IL32: variants seen among roughly 807,000 people sequenced by gnomAD.
IL32 encodes interleukin 32.
In IL32, 30 loss-of-function variants were observed where a neutral mutation model predicts 16.6. That is an observed-to-expected ratio of 1.81 (90% CI 1.35 to 2.45). The LOEUF (loss-of-function observed/expected upper bound fraction) is 2.45, where lower values mean the gene tolerates loss of function less well. Among genes scored for constraint, IL32 ranks in the 30% most tolerant of loss-of-function variants. IL32 has a pLI of 0.00. For missense variants in IL32, 234 were observed against 229.8 expected (o/e 1.02, Z -0.12); for synonymous variants, 70 against 86.1 (o/e 0.81, Z 1.03).
intron 6 of IL32, chr16:3,068,504 G>C: frequency 2.0e-6 from 1 of 490,394 alleles, no homozygotes; most frequent in Non-Finnish European, 3.7e-6. Context: ...GTAGAGACCA[G>C]GTTTCACCAT....
intron 6 of IL32, 22 bp from the exon 7 acceptor site, chr16:3,068,968 G>A: frequency 6.3e-7 from 1 of 1,594,874 alleles, no homozygotes; most frequent in Non-Finnish European, 8.5e-7. Context: ...TACAGACCCT[G>A]AATGGTGCTC....
chr16:3,067,271 C>CTCTG (rs1317427759), intron 2 of IL32, 106 bp from the exon 3 acceptor site: 58 of 603,556 alleles, frequency 9.6e-5, no homozygotes, highest in African/African-American at 7.8e-4. Flanking sequence ...CCATGTGTCT[C>CTCTG]TGTGTGTGTG....
In IL32 at chr16:3,069,067, G is replaced by C. The variant is rs774483172; in HGVS notation, c.279G>C (p.Glu93Asp). ...RGNRSPVPDV[E>D]DPATEEPGES... ...ACAGATCCCCTGTCCCGGATGTTGA[G>C]GATCCCGCAACCGAGGAGCCTGGGG... Residue 93 changes from glutamate (E) to aspartate (D), a missense_variant, in exon 7 of 7, where the codon GAG becomes GAC. Transcript: ENST00000525643. 1.3e-5 allele frequency: 21 copies of C among 1,607,818 alleles called. No homozygotes were observed. Among genetic ancestry groups the C allele is most frequent in the African/African-American group, 1.1e-4 (8 of 74,626 alleles).
At position 3,067,969 on chromosome 16, in the gene IL32, C is replaced by G. The variant is rs566548333; in HGVS notation, c.115-15C>G. ...GGAGGCTTGGGCCTGGAACCGAGTG[C>G]TTTGTTCCTAACAGGTGATGTCGAG... is the stretch of plus-strand genomic sequence containing the variant. On this transcript the variant is annotated splice_polypyrimidine_tract_variant and intron_variant, in intron 4 of 6. Transcript: ENST00000525643. 6 of 1,614,102 alleles carry G rather than the reference C, an allele frequency of 3.7e-6. No homozygotes were observed. The East Asian group carries it at 1.3e-4, about 36-fold the overall frequency.
chr16:3,067,944 G>C (rs745502821), intron 4 of IL32, 40 bp from the exon 5 acceptor site: 2 of 1,612,686 alleles, frequency 1.2e-6, no homozygotes, highest in Admixed American at 1.7e-5. Flanking sequence ...GGGGTGCAGA[G>C]GAGGCTTGGG....
intron 2 of IL32, among the ~76,000 whole-genome samples, 195 bp from the exon 3 acceptor site, chr16:3,067,182 T>C (rs933237439): frequency 6.6e-6 from 1 of 151,978 alleles, no homozygotes; most frequent in Non-Finnish European, 1.5e-5. Context: ...TCTGAGTCGT[T>C]TCGAGGACAG....
In IL32 at chr16:3,067,289, G is replaced by C. The variant is rs747931658; in HGVS notation, c.16-88G>C. ...TGTGTCTCTGTGTGTGTGTGTGTGT[G>C]TGTGTGTGTGTGTGTGTGTGTATAA... On this transcript the variant is annotated intron_variant, in intron 2 of 6. Transcript: ENST00000525643. 1,560 of 559,190 alleles carry C rather than the reference G, an allele frequency of 2.8e-3. 17 individuals carry two copies. The highest frequency in any genetic ancestry group is 5.0e-3 in the Admixed American group (134 of 26,784). The allele number at this position is 559,190 out of a possible 1,614,324, so 34.6% of individuals were successfully genotyped here. A position where few individuals can be genotyped will look rare whatever the true frequency, so the allele number is the denominator to read the frequency against.
chr16:3,067,708 C>T (rs774088325), intron 4 of IL32, 95 bp downstream of exon 4: 1 of 987,436 alleles, frequency 1.0e-6, no homozygotes. Flanking sequence ...TGAAGAGGGA[C>T]CCACAGGCTC....
chr16:3,065,555 C>T, upstream of IL32: 4 of 596,314 alleles, frequency 6.7e-6, no homozygotes. Context: ...TTTTCACGCA[C>T]TCAGCAAGGC....
In IL32 at chr16:3,065,785, C is replaced by A; in HGVS notation, c.-27C>A. 1 of 1,614,084 alleles carries A rather than the reference C, an allele frequency of 6.2e-7. No individual in the cohort carries two copies. The highest frequency in any genetic ancestry group is 8.5e-7 in the Non-Finnish European group (1 of 1,179,958). ...CTCACACCTGTTCCTCGCCAGCAGGCCTTGGCTCCTTGAACTTTTGGCCGC... is the reference window on the plus strand; with the variant it reads ...CTCACACCTGTTCCTCGCCAGCAGGACTTGGCTCCTTGAACTTTTGGCCGC... On this transcript the variant is annotated splice_region_variant and 5_prime_UTR_variant, in exon 2 of 7. Transcript: ENST00000525643.
At chr16:3,065,986 G>A (rs1008091384) in intron 2 of IL32, among the ~76,000 whole-genome samples, 160 bp downstream of exon 2, 2 of 152,160 alleles carry the variant, frequency 1.3e-5, no homozygotes, top group African/African-American at 2.4e-5. Flanking sequence ...CAGTGGAGGC[G>A]CTGGAGGTCA....
At chr16:3,068,071 C>A (rs1956620745) in intron 5 of IL32, 61 bp downstream of exon 5, 3 of 1,609,134 alleles carry the variant, frequency 1.9e-6, no homozygotes, top group Non-Finnish European at 2.6e-6. Flanking sequence ...CCACAGGACA[C>A]TGGGTCTGGG....
intron 5 of IL32, 48 bp downstream of exon 5, chr16:3,068,058 G>A (rs1956619321): frequency 4.3e-6 from 7 of 1,611,906 alleles, no homozygotes; most frequent in Non-Finnish European, 5.9e-6. Context: ...TGGGTCTTAG[G>A]CTCCACAGGA....
chr16:3,069,055 C>T lies in IL32; in HGVS notation c.267C>T (p.Val89=), dbSNP rs1567150121. Residue 89 remains valine (V), a synonymous_variant, in exon 7 of 7, where the codon GTC becomes GTT. Coordinates refer to ENST00000525643, the MANE Select transcript of IL32 (RefSeq NM_001376923.1). The part of the protein sequence containing the change: ...GLRCRGNRSP[V]PDVEDPATEE... ...GGTGCCGAGGCAACAGATCCCCTGT[C>T]CCGGATGTTGAGGATCCCGCAACCG... The T allele has an allele frequency of 5.0e-6, 8 of 1,607,504 alleles. No individual in the cohort carries two copies. Among genetic ancestry groups the T allele is most frequent in the Admixed American group, 3.4e-5 (2 of 59,090 alleles).
intron 2 of IL32, among the ~76,000 whole-genome samples, chr16:3,066,977 G>GCCGGCTCCT (rs1956392738): frequency 9.9e-6 from 1 of 101,340 alleles, no homozygotes; most frequent in Non-Finnish European, 2.1e-5. Flanking sequence ...GCTCTTGTGA[G>GCCGGCTCCT]GAGGGGTCAC....
Position 3,069,295 on chromosome 16 carries a change from A to C in IL32, c.507A>C (p.Pro169=). 1 of 1,614,010 alleles carries C rather than the reference A, an allele frequency of 6.2e-7. No individual in the cohort carries two copies. The highest frequency in any genetic ancestry group is 1.3e-5 in the African/African-American group (1 of 74,992). The part of the protein sequence containing the change: ...FMSSFQSYGA[P]RGDKEELTPQ... ...CCTCTTTCCAGTCCTACGGAGCCCC[A>C]CGGGGGGACAAGGAGGAGCTGACAC... is the stretch of plus-strand genomic sequence containing the variant. Residue 169 remains proline (P), a synonymous_variant, in exon 7 of 7, where the codon CCA becomes CCC. Transcript: ENST00000525643.
In IL32 at chr16:3,069,167, C is replaced by G. The variant is rs374583841; in HGVS notation, c.379C>G (p.Leu127Val). The change falls in exon 7 of 7, where the codon CTG becomes GTG. Residue 127 changes from leucine (L) to valine (V), a missense_variant. Leu to Val is a conservative substitution (Grantham distance 32). This residue lies in a region of IL32 where 44 missense variants were observed against 103.1 expected (regional missense o/e 0.43). Coordinates refer to ENST00000525643, the MANE Select transcript of IL32 (RefSeq NM_001376923.1). Reference sequence around the variant, plus strand: ...GCTGCAGACCTGGTGGCACGGGGTTCTGGCCTGGGTGAAGGAGAAGGTGGT... The same window carrying G: ...GCTGCAGACCTGGTGGCACGGGGTTGTGGCCTGGGTGAAGGAGAAGGTGGT... ...QRLQTWWHGV[L>V]AWVKEKVVAL... 1.2e-5 allele frequency: 19 copies of G among 1,613,550 alleles called. No homozygotes were observed. The highest frequency in any genetic ancestry group is 1.5e-5 in the Non-Finnish European group (18 of 1,179,880).
intron 6 of IL32, 71 bp downstream of exon 6, chr16:3,068,310 CTTT>C: frequency 7.2e-7 from 1 of 1,381,418 alleles, no homozygotes; most frequent in Non-Finnish European, 1.0e-6. Context: ...TTCTTTCTTT[CTTT>C]TTGTTTATTT....
chr16:3,069,378 C>T lies in IL32; in HGVS notation c.*23C>T. On this transcript the variant is annotated 3_prime_UTR_variant, in exon 7 of 7. Transcript: ENST00000525643. ...TGAAGATACTGACACCACCTTTGCCCTCCCCGTCACCGCGCACCCACCCTG... is the reference window on the plus strand; with the variant it reads ...TGAAGATACTGACACCACCTTTGCCTTCCCCGTCACCGCGCACCCACCCTG... The T allele has an allele frequency of 6.4e-7, 1 of 1,563,788 alleles. No individual in the cohort carries two copies. The highest frequency in any genetic ancestry group is 8.7e-7 in the Non-Finnish European group (1 of 1,153,732).
Sources: gnomAD v4.1 joint callset for allele counts (sites outside exome capture counted in the v4.1 genomes callset) on GRCh38, gnomAD v4.1.1 for gene constraint, gnomAD v4.1.1 regional missense constraint, MANE v1.5 for transcripts, NCBI Gene and HGNC (gene_info 2026-07-23, HGNC 2026-07-21) for gene names.